Variants in FBLN2 observed in about 807,000 individuals in gnomAD.
The protein encoded by FBLN2 is fibulin 2.
In FBLN2, 81 loss-of-function variants were observed where a neutral mutation model predicts 123.7. The ratio of observed to expected loss-of-function variants is 0.65; its 90% CI spans 0.55 to 0.79. The LOEUF (loss-of-function observed/expected upper bound fraction) is 0.79. FBLN2 is among the 30% of genes least tolerant of loss of function. The pLI is 0.00. For synonymous variants in FBLN2, 699 were observed against 701.4 expected (o/e 1.00, Z 0.05); for missense variants, 1,603 against 1,681.3 (o/e 0.95, Z 0.81).
chr3:13,605,321 C>T (rs938366126), intron 2 of FBLN2, among the ~76,000 whole-genome samples: 1 of 152,102 alleles, frequency 6.6e-6, no homozygotes, highest in Non-Finnish European at 1.5e-5. Context: ...TTCTCCATTC[C>T]CATCCACCAC....
chr3:13,573,425 C>G (rs926455368), intron 2 of FBLN2, among the ~76,000 whole-genome samples: 4 of 152,154 alleles, frequency 2.6e-5, no homozygotes, highest in Admixed American at 1.3e-4. Flanking sequence ...CTGAGTGAGG[C>G]TCACCACTTC....
rs769639084 is a variant in FBLN2, at chr3:13,637,930, C to T, written c.*11C>T. The T allele has an allele frequency of 3.2e-5, 50 of 1,565,210 alleles. No homozygotes were observed. The Admixed American group carries it at 5.0e-4, about 16-fold the overall frequency. ...ACCTTTGCCCTGTGAGGTGCCAGCA[C>T]GGGCCACCTGCGGGTGTGGCGCAGC... is the stretch of plus-strand genomic sequence containing the variant. On this transcript the variant is annotated 3_prime_UTR_variant, in exon 18 of 18. Transcript: ENST00000404922.
chr3:13,596,100 C>T (rs970749950), intron 2 of FBLN2, among the ~76,000 whole-genome samples: 2 of 152,190 alleles, frequency 1.3e-5, no homozygotes, highest in African/African-American at 2.4e-5. Flanking sequence ...GCAGATCTAA[C>T]GCTTTTTAAC....
chr3:13,628,289 A>G (rs1318769915), intron 11 of FBLN2, among the ~76,000 whole-genome samples: 3 of 152,086 alleles, frequency 2.0e-5, no homozygotes, highest in African/African-American at 4.8e-5. Flanking sequence ...AGCAGTGGCT[A>G]TGTGATAGAT....
intron 1 of FBLN2, among the ~76,000 whole-genome samples, chr3:13,561,833 C>G (rs772075647): frequency 6.6e-6 from 1 of 152,228 alleles, no homozygotes; most frequent in Non-Finnish European, 1.5e-5. Context: ...CTAAAGGACT[C>G]TAGCTCAACT....
At chr3:13,568,064 A>T (rs866117671) in intron 1 of FBLN2, among the ~76,000 whole-genome samples, 6 of 152,120 alleles carry the variant, frequency 3.9e-5, no homozygotes, top group Middle Eastern at 3.2e-3. Flanking sequence ...TGATTCTCCC[A>T]GGGGCCCATT....
intron 2 of FBLN2, among the ~76,000 whole-genome samples, chr3:13,586,796 AC>A (rs1178836292): frequency 1.1e-4 from 17 of 149,252 alleles, no homozygotes; most frequent in African/African-American, 3.5e-4. Flanking sequence ...GGATGGAGCC[AC>A]CTCACCCGGC....
chr3:13,557,654 C>T (rs1484653444), intron 1 of FBLN2, among the ~76,000 whole-genome samples: 1 of 152,232 alleles, frequency 6.6e-6, no homozygotes, highest in African/African-American at 2.4e-5. Context: ...CAGCATGGGC[C>T]ATGTGACTGG....
rs765732865 is a variant in FBLN2 at position 13,575,981 on chromosome 3, CAA to C, written c.1306+4321_1306+4322del. Among the ~76,000 whole-genome samples the C allele has an allele frequency of 2.0e-5, 3 of 152,306 alleles. No homozygotes were observed. The East Asian group carries it at 5.8e-4, about 29-fold the overall frequency. On this transcript the variant is annotated intron_variant, in intron 2 of 17. Coordinates refer to ENST00000404922, the MANE Select transcript of FBLN2 (RefSeq NM_001004019.2). ...TGTTGGGAGGATCATATCACAGAAA[CAA>C]GAGCCGGGCACCCAGGAGGTGCTCG...
Position 13,631,465 on chromosome 3 carries a change from A to G in FBLN2, c.3214+8A>G, listed in dbSNP as rs1216602418. On this transcript the variant is annotated splice_region_variant and intron_variant, in intron 16 of 17. Transcript: ENST00000404922. ...ACGGGAGGTCCTGCAAGGGTGAGCA[A>G]GTCCCCCCACACGCCCCCGCCTCCA... 1 of 1,580,982 alleles carries G rather than the reference A, an allele frequency of 6.3e-7. No homozygotes were observed. Among genetic ancestry groups the G allele is most frequent in the Non-Finnish European group, 8.6e-7 (1 of 1,162,996 alleles).
intron 2 of FBLN2, among the ~76,000 whole-genome samples, chr3:13,580,569 C>A (rs77311360): frequency 6.6e-6 from 1 of 152,150 alleles, no homozygotes; most frequent in African/African-American, 2.4e-5. Flanking sequence ...CTGGACTTTG[C>A]CAGTCTGAGA....
chr3:13,593,852 G>C (rs572366056), intron 2 of FBLN2, among the ~76,000 whole-genome samples: 1 of 152,056 alleles, frequency 6.6e-6, no homozygotes, highest in African/African-American at 2.4e-5. Flanking sequence ...AGTCCCCAGC[G>C]TGGGCGGCTG....
At chr3:13,609,752 C>T in intron 4 of FBLN2, 110 bp downstream of exon 4, 1 of 1,321,954 alleles carries the variant, frequency 7.6e-7, no homozygotes, top group Non-Finnish European at 1.0e-6. Flanking sequence ...CTTGGGGCTC[C>T]TCCTGGGAGT....
Position 13,630,691 on chromosome 3 carries a change from C to G in FBLN2, c.2969-8C>G, listed in dbSNP as rs552552484. The G allele has an allele frequency of 6.3e-7, 1 of 1,587,680 alleles. No individual in the cohort carries two copies. The highest frequency in any genetic ancestry group is 2.3e-5 in the East Asian group (1 of 43,808). On this transcript the variant is annotated splice_region_variant and splice_polypyrimidine_tract_variant and intron_variant, in intron 14 of 17. Coordinates refer to ENST00000404922, the MANE Select transcript of FBLN2 (RefSeq NM_001004019.2). ...CCCTGCCATGACTGCCTGCTGGTGT[C>G]CCTGCAGACGTGAATGAGTGTGAGG...
chr3:13,565,415 A>G (rs752968823), intron 1 of FBLN2, among the ~76,000 whole-genome samples: 2 of 152,128 alleles, frequency 1.3e-5, no homozygotes, highest in Admixed American at 6.5e-5. Flanking sequence ...CCTCATTGTC[A>G]CCTAAATGTC....
chr3:13,636,628 G>A (rs996534887), intron 17 of FBLN2, 60 bp downstream of exon 17: 7 of 1,563,630 alleles, frequency 4.5e-6, no homozygotes, highest in South Asian at 2.4e-5. Flanking sequence ...GTACTATCCA[G>A]GGAGAGGCTG....
At position 13,555,866 on chromosome 3, in the gene FBLN2, A is replaced by T. The variant is rs573403869; in HGVS notation, c.-42+6658A>T. On this transcript the variant is annotated intron_variant, in intron 1 of 17. Transcript: ENST00000404922. Reference sequence around the variant, plus strand: ...GATTGGTTCAGAGGGATTCGCGGGGACATTTCCTCACAAGATCACCGAGCG... The same window carrying T: ...GATTGGTTCAGAGGGATTCGCGGGGTCATTTCCTCACAAGATCACCGAGCG... Among the ~76,000 whole-genome samples, 8 of 152,322 alleles carry T rather than the reference A, an allele frequency of 5.3e-5. No individual in the cohort carries two copies. In the South Asian group the frequency reaches 1.7e-3, roughly 32 times the overall value.
chr3:13,570,224 A>G (rs1280440166), intron 1 of FBLN2, 91 bp from the exon 2 acceptor site: 4 of 1,369,342 alleles, frequency 2.9e-6, no homozygotes, highest in African/African-American at 3.0e-5. Context: ...GAGGTGGCTG[A>G]GGCTGGGCCC....
intron 2 of FBLN2, among the ~76,000 whole-genome samples, chr3:13,598,234 G>A (rs746080016): frequency 6.6e-6 from 1 of 152,242 alleles, no homozygotes; most frequent in African/African-American, 2.4e-5. Context: ...GAGACAGGAG[G>A]CTGTGTTTAC....
Sources: allele counts gnomAD v4.1 joint callset (sites outside exome capture counted in the v4.1 genomes callset), GRCh38; gene constraint gnomAD v4.1.1; transcripts MANE v1.5; gene names NCBI Gene and HGNC (gene_info 2026-07-23, HGNC 2026-07-21).